KCNT2: variants seen among roughly 807,000 people sequenced by gnomAD.
The protein encoded by KCNT2 is potassium channel subfamily T member 2.
KCNT2 carries 67 observed loss-of-function variants against 153.8 expected under a neutral mutation model. The observed-to-expected ratio is 0.44, with a 90% CI of 0.36 to 0.53. The LOEUF (loss-of-function observed/expected upper bound fraction) is 0.53, where lower values mean the gene tolerates loss of function less well. Among genes scored for constraint, KCNT2 ranks in the 20% least tolerant of loss-of-function variants. The pLI is 0.00. For synonymous variants in KCNT2, 500 were observed against 458.8 expected, an observed-to-expected ratio of 1.09 and a Z score of -1.15; for missense variants, 975 against 1,354.8, an observed-to-expected ratio of 0.72 and a Z score of 4.40.
intron 5 of KCNT2, among the ~76,000 whole-genome samples, chr1:196,476,340 G>A (rs1175015410): frequency 6.6e-6 from 1 of 151,970 alleles, no homozygotes; most frequent in Admixed American, 6.5e-5. Flanking sequence ...GTATATTAAT[G>A]AACATTAAAG....
chr1:196,463,589 A>C (rs752321154), intron 8 of KCNT2, among the ~76,000 whole-genome samples: 2 of 151,716 alleles, frequency 1.3e-5, no homozygotes, highest in Admixed American at 6.6e-5. Flanking sequence ...TCGGTTATTT[A>C]AAACTAAAAC....
At chr1:196,344,937 C>A (rs1215254297) in intron 14 of KCNT2, among the ~76,000 whole-genome samples, 2 of 151,848 alleles carry the variant, frequency 1.3e-5, no homozygotes, top group African/African-American at 4.8e-5. Context: ...CTAAATTAAT[C>A]TAATTGTCAG....
intron 1 of KCNT2, among the ~76,000 whole-genome samples, chr1:196,565,592 C>CATATAT (rs138353023): frequency 1.8e-4 from 26 of 145,210 alleles, no homozygotes; most frequent in Non-Finnish European, 2.9e-4. Context: ...AATCATTATA[C>CATATAT]ATATATATAT....
intron 8 of KCNT2, among the ~76,000 whole-genome samples, chr1:196,444,445 A>G (rs934461302): frequency 9.3e-5 from 14 of 151,296 alleles, no homozygotes; most frequent in African/African-American, 2.9e-4. Context: ...CTTTGAATTT[A>G]TATTTCGTCG....
At chr1:196,244,296 C>G (rs1655226152) in intron 26 of KCNT2, among the ~76,000 whole-genome samples, 1 of 152,036 alleles carries the variant, frequency 6.6e-6, no homozygotes, top group Non-Finnish European at 1.5e-5. Flanking sequence ...CAAGAGATTC[C>G]TTATGCTAGA....
At chr1:196,288,797 T>G (rs908890836) in intron 22 of KCNT2, among the ~76,000 whole-genome samples, 1 of 152,054 alleles carries the variant, frequency 6.6e-6, no homozygotes, top group South Asian at 2.1e-4. Flanking sequence ...ACAAGTTGAT[T>G]TGGACTTGGG....
chr1:196,362,227 T>A (rs531163930), intron 14 of KCNT2, among the ~76,000 whole-genome samples: 15 of 152,092 alleles, frequency 9.9e-5, no homozygotes, highest in Non-Finnish European at 2.1e-4. Flanking sequence ...GGGGCTTCTG[T>A]GAGGAGTTTA....
At chr1:196,356,189 C>A (rs1412656096) in intron 14 of KCNT2, among the ~76,000 whole-genome samples, 3 of 151,654 alleles carry the variant, frequency 2.0e-5, no homozygotes, top group Non-Finnish European at 4.4e-5. Flanking sequence ...TTAATTCTTA[C>A]CATAACTAAA....
intron 8 of KCNT2, among the ~76,000 whole-genome samples, chr1:196,430,124 T>TA (rs1328595990): frequency 3.9e-5 from 6 of 152,196 alleles, no homozygotes; most frequent in African/African-American, 1.4e-4. Flanking sequence ...TCTTTTTTTT[T>TA]ATAATTTTTT....
chr1:196,530,152 C>A (rs2148846218), intron 1 of KCNT2, among the ~76,000 whole-genome samples: 1 of 151,270 alleles, frequency 6.6e-6, no homozygotes, highest in South Asian at 2.1e-4. Flanking sequence ...GCAGAATGCA[C>A]AAAGAAAATA....
intron 5 of KCNT2, 52 bp from the exon 6 acceptor site, chr1:196,469,120 A>G (rs1212552879): frequency 1.6e-5 from 16 of 988,480 alleles, no homozygotes; most frequent in Admixed American, 6.1e-5. Flanking sequence ...GCCTCCTATT[A>G]AAGGGGGAAA....
At chr1:196,604,275 A>C (rs1411267458) in intron 1 of KCNT2, among the ~76,000 whole-genome samples, 2 of 152,148 alleles carry the variant, frequency 1.3e-5, no homozygotes, top group Non-Finnish European at 2.9e-5. Context: ...ACCTCTTATC[A>C]TATCTGTGAC....
chr1:196,346,233 C>T (rs1268484759), intron 14 of KCNT2, among the ~76,000 whole-genome samples: 1 of 152,100 alleles, frequency 6.6e-6, no homozygotes, highest in African/African-American at 2.4e-5. Context: ...TTCAGGGCAG[C>T]ATTTGGTCTA....
intron 19 of KCNT2, 110 bp from the exon 20 acceptor site, chr1:196,319,665 T>C (rs1663090271): frequency 1.9e-6 from 1 of 535,342 alleles, no homozygotes; most frequent in East Asian, 3.2e-5. Flanking sequence ...TCAACACTGC[T>C]GACAAAATTA....
At position 196,280,918 on chromosome 1, in the gene KCNT2, G is replaced by T; in HGVS notation, c.2852C>A (p.Thr951Asn). The T allele has an allele frequency of 6.2e-7, 1 of 1,609,992 alleles. No individual in the cohort carries two copies. Among genetic ancestry groups the T allele is most frequent in the South Asian group, 1.1e-5 (1 of 91,020 alleles). Residue 951 changes from threonine (T) to asparagine (N), a missense_variant, in exon 25 of 28, where the codon ACT becomes AAT. Physicochemically the swap from Thr to Asn is moderately conservative, Grantham distance 65. Around this residue, in one of 6 missense-constraint regions of KCNT2, gnomAD observed 241 missense variants for 271.1 expected, o/e 0.89. Transcript: ENST00000294725. The stretch of plus-strand genomic sequence containing the variant: ...GTAGATTCCAATGGGAACATCTCCA[G>T]TAGAAGAACACAACTTCTGATAAAG... The part of the protein sequence containing the change: ...ARLYQKLCSS[T>N]GDVPIGIYRT...
rs1024786574 is a variant in KCNT2 at position 196,233,220 on chromosome 1, CTT to C, written c.3296+2764_3296+2765del. Among the ~76,000 whole-genome samples, 87 of 151,476 alleles carry C rather than the reference CTT, an allele frequency of 5.7e-4. 1 individual carries two copies. The highest frequency in any genetic ancestry group is 2.0e-3 in the African/African-American group (82 of 41,456). The stretch of plus-strand genomic sequence containing the variant: ...CATCAGATACAATTTTTGACAGTGA[CTT>C]AAGAATTCTACTAGCTTAAATTGTT... On this transcript the variant is annotated intron_variant, in intron 27 of 27. Transcript: ENST00000294725.
chr1:196,352,294 T>C (rs1343985108), intron 14 of KCNT2, among the ~76,000 whole-genome samples: 2 of 152,126 alleles, frequency 1.3e-5, no homozygotes, highest in South Asian at 2.1e-4. Flanking sequence ...CAGTTGCTCC[T>C]TGTACCTCTG....
chr1:196,454,255 T>C (rs79086291), intron 8 of KCNT2, among the ~76,000 whole-genome samples: 1,741 of 152,086 alleles, frequency 0.011, 28 homozygotes, highest in South Asian at 0.071. Flanking sequence ...TGAGGGTACA[T>C]GTGCAGATTT....
At chr1:196,343,364 T>C (rs1208479655) in intron 14 of KCNT2, among the ~76,000 whole-genome samples, 1 of 152,200 alleles carries the variant, frequency 6.6e-6, no homozygotes, top group African/African-American at 2.4e-5. Context: ...ATTTCTCATT[T>C]TATATAATAA....
Sources: gnomAD v4.1 joint callset for allele counts (sites outside exome capture counted in the v4.1 genomes callset) on GRCh38, gnomAD v4.1.1 for gene constraint, gnomAD v4.1.1 regional missense constraint, MANE v1.5 for transcripts, NCBI Gene and HGNC (gene_info 2026-07-23, HGNC 2026-07-21) for gene names.